The following PCDHA13 variants were observed in gnomAD, a reference collection of about 807,000 sequenced individuals.
PCDHA13 encodes the protein protocadherin alpha 13, also known as protocadherin alpha-13.
Under a neutral mutation model 64.8 loss-of-function variants are expected in PCDHA13, and 54 were observed. That is an observed-to-expected ratio of 0.83 (90% CI 0.67 to 1.04). The LOEUF is 1.04. Among genes scored for constraint, PCDHA13 ranks in the 50% least tolerant of loss-of-function variants. PCDHA13 has a pLI of 0.00. For missense variants in PCDHA13, 1,248 were observed against 1,254.3 expected (o/e 0.99, Z 0.08); for synonymous variants, 587 against 564.4 (o/e 1.04, Z -0.57).
At chr5:140,963,204 A>G (rs2095745825) in intron 1 of PCDHA13, among the ~76,000 whole-genome samples, 1 of 152,104 alleles carries the variant, frequency 6.6e-6, no homozygotes, top group African/African-American at 2.4e-5. Flanking sequence ...ATGAAAAAAA[A>G]AACCTCGTGT....
At chr5:140,958,544 A>G (rs1218939069) in intron 1 of PCDHA13, among the ~76,000 whole-genome samples, 1 of 152,182 alleles carries the variant, frequency 6.6e-6, no homozygotes, top group Non-Finnish European at 1.5e-5. Flanking sequence ...TGATTTATGA[A>G]CCAATAAATG....
chr5:140,970,752 T>A (rs1324041619), intron 1 of PCDHA13, among the ~76,000 whole-genome samples: 1 of 152,244 alleles, frequency 6.6e-6, no homozygotes, highest in Non-Finnish European at 1.5e-5. Context: ...CAATATATTT[T>A]CATTGACATA....
intron 3 of PCDHA13, among the ~76,000 whole-genome samples, chr5:140,985,013 C>T (rs1022576947): frequency 8.6e-5 from 13 of 152,046 alleles, no homozygotes; most frequent in Non-Finnish European, 1.3e-4. Context: ...TATCGGCTCA[C>T]AGCAACCTCT....
chr5:140,928,288 C>CA (rs1554205700), intron 1 of PCDHA13: 1 of 1,614,156 alleles, frequency 6.2e-7, no homozygotes, highest in East Asian at 2.2e-5. Flanking sequence ...CTCTCTAGGC[C>CA]GAGTGTTTGC....
chr5:140,966,765 C>G (rs2096051420), intron 1 of PCDHA13: 7 of 1,482,914 alleles, frequency 4.7e-6, no homozygotes, highest in Non-Finnish European at 6.3e-6. Context: ...CGGCCAGTGG[C>G]TATGGAGCAG....
chr5:140,992,405 C>T (rs962261885), intron 3 of PCDHA13, among the ~76,000 whole-genome samples: 1 of 152,152 alleles, frequency 6.6e-6, no homozygotes, highest in Non-Finnish European at 1.5e-5. Context: ...AGATATTGTT[C>T]TGCCCCAGGT....
intron 1 of PCDHA13, chr5:140,966,759 C>G: frequency 6.9e-7 from 1 of 1,447,012 alleles, no homozygotes; most frequent in Non-Finnish European, 9.1e-7. Context: ...CCGCCGCGGC[C>G]AGTGGCTATG....
chr5:140,915,513 A>T (rs2077156707), intron 1 of PCDHA13, among the ~76,000 whole-genome samples: 2 of 152,124 alleles, frequency 1.3e-5, no homozygotes, highest in African/African-American at 2.4e-5. Context: ...GTTTTTGCAG[A>T]CTAGTAGAGG....
At position 140,884,240 on chromosome 5, in the gene PCDHA13, G is replaced by A. The variant is rs139927854; in HGVS notation, c.1972G>A (p.Ala658Thr). The A allele has an allele frequency of 3.1e-6, 5 of 1,613,368 alleles. No homozygotes were observed. The highest frequency in any genetic ancestry group is 1.3e-5 in the African/African-American group (1 of 74,918). Reference sequence around the variant, plus strand: ...GCTGGTGAAGGACCACGGTGAGCCCGCGCTGACGGCCACGGCAACGGTGCT... The same window carrying A: ...GCTGGTGAAGGACCACGGTGAGCCCACGCTGACGGCCACGGCAACGGTGCT... ...LVLVKDHGEP[A>T]LTATATVLLS... The change falls in exon 1 of 4, where the codon GCG (alanine) becomes ACG (threonine). Residue 658 changes from alanine (A) to threonine (T), a missense_variant. Coordinates refer to ENST00000289272, the MANE Select transcript of PCDHA13 (RefSeq NM_018904.3).
At chr5:140,927,054 C>CT in intron 1 of PCDHA13, 1 of 1,611,076 alleles carries the variant, frequency 6.2e-7, no homozygotes, top group African/African-American at 1.3e-5. Context: ...CCTCGCGGAA[C>CT]TTTCGCTTCC....
rs781987468 is a variant in PCDHA13, at chr5:140,883,679, G to T, written c.1411G>T (p.Gly471Cys). 1 of 1,613,678 alleles carries T rather than the reference G, an allele frequency of 6.2e-7. No homozygotes were observed. Among genetic ancestry groups the T allele is most frequent in the Non-Finnish European group, 8.5e-7 (1 of 1,179,892 alleles). Residue 471 changes from glycine (G) to cysteine (C), a missense_variant, in exon 1 of 4, where the codon GGC (glycine) becomes TGC (cysteine). Transcript: ENST00000289272. The stretch of plus-strand genomic sequence containing the variant: ...GTTCGTGAAGGAAAACAATCCGCCG[G>T]GCTGCCACATCTTCACGGTGTCTGC... ...TVFVKENNPPGCHIFTVSAQD... is the reference protein window; with the variant it reads ...TVFVKENNPPCCHIFTVSAQD...
intron 1 of PCDHA13, among the ~76,000 whole-genome samples, chr5:140,950,273 T>G (rs1218178621): frequency 6.6e-5 from 10 of 152,008 alleles, no homozygotes; most frequent in African/African-American, 1.9e-4. Flanking sequence ...CCATAATGTC[T>G]TTTTGCTTCA....
At position 140,883,895 on chromosome 5, in the gene PCDHA13, C is replaced by T; in HGVS notation, c.1627C>T (p.Pro543Ser). 1 of 1,613,426 alleles carries T rather than the reference C, an allele frequency of 6.2e-7. No individual in the cohort carries two copies. Among genetic ancestry groups the T allele is most frequent in the Non-Finnish European group, 8.5e-7 (1 of 1,179,872 alleles). The change falls in exon 1 of 4, where the codon CCG (proline) becomes TCG (serine). Residue 543 changes from proline (P) to serine (S), a missense_variant. Physicochemically the swap from Pro to Ser is moderately conservative, Grantham distance 74 (BLOSUM62 -1). Transcript: ENST00000289272. ...GGTGAGCGCGCGCGACTCTGGCGTGCCGCCTCTGGGCAGCAACGTGACGCT... is the reference window on the plus strand; with the variant it reads ...GGTGAGCGCGCGCGACTCTGGCGTGTCGCCTCTGGGCAGCAACGTGACGCT... The part of the protein sequence containing the change: ...FQVSARDSGV[P>S]PLGSNVTLQV...
At chr5:140,895,691 T>C (rs571770501) in intron 1 of PCDHA13, among the ~76,000 whole-genome samples, 3 of 152,322 alleles carry the variant, frequency 2.0e-5, no homozygotes, top group South Asian at 4.1e-4. Flanking sequence ...TCTGTTTCTA[T>C]ATTAATTCAC....
chr5:140,921,215 CT>C (rs2080099389), intron 1 of PCDHA13, among the ~76,000 whole-genome samples: 1 of 151,942 alleles, frequency 6.6e-6, no homozygotes, highest in Admixed American at 6.6e-5. Context: ...TAATTCACGT[CT>C]TTTTTGCTAG....
At chr5:140,926,899 G>T (rs1554203765) in intron 1 of PCDHA13, 28 of 1,552,028 alleles carry the variant, frequency 1.8e-5, no homozygotes, top group Non-Finnish European at 2.4e-5. Context: ...GAGGATGGTG[G>T]GCTGTGGGGT....
chr5:140,937,260 A>G (rs1427466170), intron 1 of PCDHA13, among the ~76,000 whole-genome samples: 1 of 151,830 alleles, frequency 6.6e-6, no homozygotes, highest in Non-Finnish European at 1.5e-5. Flanking sequence ...GATGGTCTCG[A>G]TCTCCTGACC....
At chr5:140,981,207 T>C (rs1163326728) in intron 2 of PCDHA13, among the ~76,000 whole-genome samples, 1 of 152,230 alleles carries the variant, frequency 6.6e-6, no homozygotes, top group Non-Finnish European at 1.5e-5. Context: ...TTGCCTCATA[T>C]AACCCCTTTA....
chr5:140,886,455 A>G (rs1554182545), intron 1 of PCDHA13, among the ~76,000 whole-genome samples: 1 of 152,186 alleles, frequency 6.6e-6, no homozygotes, highest in African/African-American at 2.4e-5. Flanking sequence ...ATTTTGTCAT[A>G]TATAAATGTT....
Sources: allele counts gnomAD v4.1 joint callset (sites outside exome capture counted in the v4.1 genomes callset), GRCh38; gene constraint gnomAD v4.1.1; transcripts MANE v1.5; gene names NCBI Gene and HGNC (gene_info 2026-07-23, HGNC 2026-07-21).